The following ARHGAP10 variants were observed in gnomAD, a reference collection of about 807,000 sequenced individuals.
ARHGAP10 encodes the protein rho GTPase-activating protein 10.
Under a neutral mutation model 108.6 loss-of-function variants are expected in ARHGAP10, and 87 were observed. The ratio of observed to expected loss-of-function variants is 0.80; its 90% CI spans 0.67 to 0.96. ARHGAP10 has a LOEUF of 0.96. ARHGAP10 is among the 40% of genes least tolerant of loss of function. The pLI is 0.00. For synonymous variants in ARHGAP10, 347 were observed against 341.1 expected (o/e 1.02, Z -0.19); for missense variants, 939 against 954.5 (o/e 0.98, Z 0.21).
chr4:147,921,387 T>C (rs1203385824), intron 13 of ARHGAP10, among the ~76,000 whole-genome samples: 1 of 152,216 alleles, frequency 6.6e-6, no homozygotes, highest in Non-Finnish European at 1.5e-5. Flanking sequence ...TGTTGACGAT[T>C]GGGTCTCTCT....
intron 1 of ARHGAP10, among the ~76,000 whole-genome samples, chr4:147,772,042 G>A (rs778573238): frequency 5.9e-5 from 9 of 152,096 alleles, no homozygotes; most frequent in Middle Eastern, 3.2e-3. Context: ...TGCCCTCCTC[G>A]GCCTCCTAAA....
chr4:148,003,806 C>T (rs981907077), intron 18 of ARHGAP10, among the ~76,000 whole-genome samples: 1 of 118,618 alleles, frequency 8.4e-6, no homozygotes, highest in Non-Finnish European at 1.6e-5. Flanking sequence ...GTGTGTGTCT[C>T]TGCATGTGAG....
intron 18 of ARHGAP10, among the ~76,000 whole-genome samples, chr4:147,972,559 A>G (rs1445396524): frequency 6.6e-6 from 1 of 152,104 alleles, no homozygotes; most frequent in Non-Finnish European, 1.5e-5. Flanking sequence ...TCCTTGAGAA[A>G]CACCAAGATT....
chr4:148,072,256 C>T lies in ARHGAP10; in HGVS notation c.*175C>T, dbSNP rs1260970452. The stretch of plus-strand genomic sequence containing the variant: ...GGGTGGTGGGCAGGGATGGGACGCA[C>T]CACACAGAACTGTGATTGTGGATCA... On this transcript the variant is annotated 3_prime_UTR_variant, in exon 23 of 23. Coordinates refer to ENST00000336498, the MANE Select transcript of ARHGAP10 (RefSeq NM_024605.4). 2 of 530,342 alleles carry T rather than the reference C, an allele frequency of 3.8e-6. No individual in the cohort carries two copies. The highest frequency in any genetic ancestry group is 6.6e-6 in the Non-Finnish European group (2 of 303,276). The allele number at this position is 530,342 out of a possible 1,614,324, so 32.9% of individuals were successfully genotyped here.
chr4:147,991,099 C>T (rs1430975761), intron 18 of ARHGAP10, among the ~76,000 whole-genome samples: 2 of 149,272 alleles, frequency 1.3e-5, no homozygotes, highest in Non-Finnish European at 3.0e-5. Context: ...ACCCCCGTGA[C>T]ACACAATTTG....
At chr4:147,911,397 C>G (rs1736722686) in intron 12 of ARHGAP10, among the ~76,000 whole-genome samples, 1 of 152,200 alleles carries the variant, frequency 6.6e-6, no homozygotes, top group Non-Finnish European at 1.5e-5. Flanking sequence ...GAGTCTTGCT[C>G]TGTCGCCCAG....
intron 5 of ARHGAP10, chr4:147,863,324 C>T (rs1342304157): frequency 6.6e-6 from 1 of 152,242 alleles, no homozygotes; most frequent in African/African-American, 2.4e-5. Flanking sequence ...CTCTAGGTGT[C>T]TCATGTGAGT....
At chr4:147,772,082 G>T (rs1016613227) in intron 1 of ARHGAP10, among the ~76,000 whole-genome samples, 1 of 152,128 alleles carries the variant, frequency 6.6e-6, no homozygotes, top group Non-Finnish European at 1.5e-5. Flanking sequence ...GAGCAACCGC[G>T]CCAGGCCCTA....
chr4:148,029,041 C>T (rs899573653), intron 19 of ARHGAP10, among the ~76,000 whole-genome samples: 10 of 152,030 alleles, frequency 6.6e-5, no homozygotes, highest in African/African-American at 1.2e-4. Flanking sequence ...TATTCTTATG[C>T]GTAACTGCTT....
At chr4:147,969,324 CTT>C (rs61078731) in intron 18 of ARHGAP10, among the ~76,000 whole-genome samples, 9,590 of 93,570 alleles carry the variant, frequency 0.1, 640 homozygotes, top group African/African-American at 0.28. Flanking sequence ...TTTGTTTTGC[CTT>C]TTTTTTTTTT....
At chr4:147,733,201 T>G (rs569102095) in intron 1 of ARHGAP10, among the ~76,000 whole-genome samples, 1 of 152,150 alleles carries the variant, frequency 6.6e-6, no homozygotes, top group Non-Finnish European at 1.5e-5. Flanking sequence ...TTCTGTCTCT[T>G]AAACTCGGAA....
chr4:147,771,949 G>A (rs1029484184), intron 1 of ARHGAP10, among the ~76,000 whole-genome samples: 9 of 152,066 alleles, frequency 5.9e-5, no homozygotes, highest in African/African-American at 1.9e-4. Flanking sequence ...GCGCCACCAC[G>A]CCCAGCTAAT....
At chr4:148,003,424 A>T (rs1487701469) in intron 18 of ARHGAP10, among the ~76,000 whole-genome samples, 1 of 152,194 alleles carries the variant, frequency 6.6e-6, no homozygotes, top group African/African-American at 2.4e-5. Flanking sequence ...GTGGATGTCT[A>T]TTAGGTCCAC....
intron 14 of ARHGAP10, among the ~76,000 whole-genome samples, chr4:147,943,033 G>A (rs1738219569): frequency 6.6e-6 from 1 of 152,238 alleles, no homozygotes; most frequent in Admixed American, 6.5e-5. Flanking sequence ...TATCAGATGA[G>A]TTGTCTTTAG....
chr4:147,858,446 TG>T (rs1322132324), intron 5 of ARHGAP10: 1 of 152,246 alleles, frequency 6.6e-6, no homozygotes, highest in Non-Finnish European at 1.5e-5. Flanking sequence ...TATTAAGTCT[TG>T]TGTAAACCTG....
chr4:148,041,182 AATACATAAGCTAG>A (rs1285214221), intron 19 of ARHGAP10, among the ~76,000 whole-genome samples: 4 of 152,144 alleles, frequency 2.6e-5, no homozygotes, highest in Non-Finnish European at 4.4e-5. Flanking sequence ...TACTCCTGCT[AATACATAAGCTAG>A]ATGTTTAAGA....
At chr4:147,739,383 A>T (rs917800329) in intron 1 of ARHGAP10, among the ~76,000 whole-genome samples, 1 of 152,174 alleles carries the variant, frequency 6.6e-6, no homozygotes, top group Non-Finnish European at 1.5e-5. Context: ...CTTTCCTCCA[A>T]GTGACTGATA....
intron 13 of ARHGAP10, among the ~76,000 whole-genome samples, chr4:147,923,255 T>C (rs1737321179): frequency 2.0e-5 from 3 of 152,208 alleles, no homozygotes; most frequent in Admixed American, 2.0e-4. Context: ...AAGAGTCTTA[T>C]AGTTTCAGAG....
At chr4:147,788,999 C>T (rs911373754) in intron 1 of ARHGAP10, among the ~76,000 whole-genome samples, 3 of 152,206 alleles carry the variant, frequency 2.0e-5, no homozygotes, top group Admixed American at 6.5e-5. Context: ...CAGCAGCTCT[C>T]TTCAGCTAAT....
Sources: gnomAD v4.1 joint callset for allele counts (sites outside exome capture counted in the v4.1 genomes callset) on GRCh38, gnomAD v4.1.1 for gene constraint, MANE v1.5 for transcripts, NCBI Gene and HGNC (gene_info 2026-07-23, HGNC 2026-07-21) for gene names.